Variants in LPGAT1 observed in about 807,000 individuals in gnomAD.
LPGAT1 encodes the protein lysophosphatidylglycerol acyltransferase 1.
A neutral mutation model predicts 47.5 loss-of-function variants in LPGAT1; 11 were observed. That is an observed-to-expected ratio of 0.23 (90% CI 0.15 to 0.38). The LOEUF (loss-of-function observed/expected upper bound fraction) is 0.38, where lower values mean the gene tolerates loss of function less well. LPGAT1 is among the 10% of genes least tolerant of loss of function. The probability of loss-of-function intolerance (pLI) is 1.00; values close to 1 mark genes in which losing one functional copy is unlikely to be tolerated. For synonymous variants in LPGAT1, 138 were observed against 144.2 expected (o/e 0.96, Z 0.31); for missense variants, 293 against 439.0 (o/e 0.67, Z 2.97).
At chr1:211,761,353 T>C (rs1469570954) in intron 6 of LPGAT1, among the ~76,000 whole-genome samples, 1 of 152,190 alleles carries the variant, frequency 6.6e-6, no homozygotes, top group East Asian at 1.9e-4. Flanking sequence ...ATGACAAGTA[T>C]TGGGGTGTAG....
In LPGAT1 at chr1:211,829,023, T is replaced by C. The variant is rs755059116; in HGVS notation, c.238+36A>G. On this transcript the variant is annotated intron_variant, in intron 2 of 7. Coordinates refer to ENST00000366997, the MANE Select transcript of LPGAT1 (RefSeq NM_014873.3). ...TTAATCATGGTTCCTGACAAATTTT[T>C]TCTTATGCATTAAAGAAAAGTGTTC... 1.4e-5 allele frequency: 23 copies of C among 1,602,004 alleles called. No homozygotes were observed. The Admixed American group carries it at 3.9e-4, about 27-fold the overall frequency.
chr1:211,814,420 T>G (rs1571761259), intron 2 of LPGAT1, among the ~76,000 whole-genome samples: 1 of 151,604 alleles, frequency 6.6e-6, no homozygotes, highest in Non-Finnish European at 1.5e-5. Flanking sequence ...ACTGAGAAAA[T>G]GAGGAGGGGT....
chr1:211,755,900 T>C (rs570664675), intron 6 of LPGAT1, among the ~76,000 whole-genome samples: 43 of 152,336 alleles, frequency 2.8e-4, no homozygotes, highest in African/African-American at 9.9e-4. Context: ...AATATTTTAA[T>C]GGAGTGGGAG....
chr1:211,751,334 C>T (rs995424767), intron 6 of LPGAT1, among the ~76,000 whole-genome samples: 3 of 152,114 alleles, frequency 2.0e-5, no homozygotes, highest in African/African-American at 4.8e-5. Context: ...ATTAAATTAC[C>T]TTATATCTAT....
At chr1:211,769,272 A>G (rs1169710476) in intron 6 of LPGAT1, among the ~76,000 whole-genome samples, 1 of 152,166 alleles carries the variant, frequency 6.6e-6, no homozygotes, top group East Asian at 1.9e-4. Context: ...AGAAGCAAAA[A>G]GATTTCCTGA....
At chr1:211,806,659 C>T (rs989631783) in intron 2 of LPGAT1, among the ~76,000 whole-genome samples, 1 of 152,084 alleles carries the variant, frequency 6.6e-6, no homozygotes, top group Non-Finnish European at 1.5e-5. Flanking sequence ...CCCTCTGAAT[C>T]AAAAATTTAA....
At chr1:211,774,118 T>G (rs1032355290) in intron 6 of LPGAT1, among the ~76,000 whole-genome samples, 10 of 129,706 alleles carry the variant, frequency 7.7e-5, no homozygotes, top group Non-Finnish European at 1.3e-4. Flanking sequence ...AAGTGCTTTG[T>G]GTTTTTTAAA....
At chr1:211,790,721 GC>G in intron 3 of LPGAT1, among the ~76,000 whole-genome samples, 1 of 152,102 alleles carries the variant, frequency 6.6e-6, no homozygotes, top group African/African-American at 2.4e-5. Context: ...TTTTATAAAG[GC>G]AAACAAGCCA....
intron 6 of LPGAT1, among the ~76,000 whole-genome samples, chr1:211,760,250 G>A (rs1443576484): frequency 1.3e-5 from 2 of 152,132 alleles, no homozygotes; most frequent in African/African-American, 2.4e-5. Flanking sequence ...ACCTGAGGTA[G>A]GGAGACCATC....
intron 2 of LPGAT1, among the ~76,000 whole-genome samples, chr1:211,801,969 T>C (rs1393611482): frequency 6.6e-6 from 1 of 151,260 alleles, no homozygotes; most frequent in Non-Finnish European, 1.5e-5. Context: ...ACACCTGTAG[T>C]CCCAGCTACT....
At chr1:211,821,147 T>C (rs769280574) in intron 2 of LPGAT1, among the ~76,000 whole-genome samples, 3 of 152,152 alleles carry the variant, frequency 2.0e-5, no homozygotes, top group Admixed American at 6.6e-5. Context: ...TCCCAGCTAA[T>C]TGGGAGGCTG....
chr1:211,764,182 A>AC (rs1334037209), intron 6 of LPGAT1, among the ~76,000 whole-genome samples: 3 of 152,082 alleles, frequency 2.0e-5, no homozygotes, highest in African/African-American at 4.8e-5. Context: ...CAAAAAAAAA[A>AC]AAAAAATCCT....
chr1:211,803,565 G>C (rs925739212), intron 2 of LPGAT1, among the ~76,000 whole-genome samples: 2 of 152,018 alleles, frequency 1.3e-5, no homozygotes, highest in African/African-American at 4.8e-5. Flanking sequence ...ACCAAAGCAA[G>C]CAAAAGAAGA....
At chr1:211,819,365 C>A (rs555864037) in intron 2 of LPGAT1, among the ~76,000 whole-genome samples, 2 of 152,164 alleles carry the variant, frequency 1.3e-5, no homozygotes, top group African/African-American at 4.8e-5. Flanking sequence ...CATGGTGGTA[C>A]ATGCCTGTCG....
At chr1:211,754,490 T>A (rs546598411) in intron 6 of LPGAT1, among the ~76,000 whole-genome samples, 1 of 152,086 alleles carries the variant, frequency 6.6e-6, no homozygotes, top group African/African-American at 2.4e-5. Context: ...ACCCATTTAG[T>A]GTTATTTTAT....
chr1:211,801,723 G>T (rs1659581138), intron 2 of LPGAT1, among the ~76,000 whole-genome samples: 2 of 150,842 alleles, frequency 1.3e-5, no homozygotes. Flanking sequence ...AAAGGGAAGG[G>T]GAGGGGAGGG....
chr1:211,771,732 C>T (rs1205861908), intron 6 of LPGAT1, among the ~76,000 whole-genome samples: 2 of 152,042 alleles, frequency 1.3e-5, no homozygotes, highest in South Asian at 2.1e-4. Context: ...AAACTCCTGA[C>T]CTCAAGGGAT....
chr1:211,807,356 T>C (rs1422953314), intron 2 of LPGAT1, among the ~76,000 whole-genome samples: 1 of 151,706 alleles, frequency 6.6e-6, no homozygotes, highest in African/African-American at 2.4e-5. Context: ...GATCTACAAA[T>C]GTAACTCGAA....
In LPGAT1 at chr1:211,746,977, G is replaced by C. The variant is rs1285876646; in HGVS notation, c.*2922C>G. ...GGATTCTCAACCTTGTCTGCTGTGGGAATCTAGGCAGTCTAGCCAAGACCA... is the reference window on the plus strand; with the variant it reads ...GGATTCTCAACCTTGTCTGCTGTGGCAATCTAGGCAGTCTAGCCAAGACCA... On this transcript the variant is annotated 3_prime_UTR_variant, in exon 8 of 8. Transcript: ENST00000366997. 2.0e-5 allele frequency: 3 copies of C among 152,190 alleles called. No homozygotes were observed. The highest frequency in any genetic ancestry group is 7.2e-5 in the African/African-American group (3 of 41,442). The allele number at this position is 152,190 out of a possible 1,614,324, so 9.4% of individuals were successfully genotyped here. A position where few individuals can be genotyped will look rare whatever the true frequency, so the allele number is the denominator to read the frequency against.
Sources: gnomAD v4.1 joint callset for allele counts (sites outside exome capture counted in the v4.1 genomes callset) on GRCh38, gnomAD v4.1.1 for gene constraint, MANE v1.5 for transcripts, NCBI Gene and HGNC (gene_info 2026-07-23, HGNC 2026-07-21) for gene names.